The following IGSF21 variants were observed in gnomAD, a reference collection of about 807,000 sequenced individuals.
IGSF21 encodes the protein immunoglobulin superfamily member 21.
A neutral mutation model predicts 46.8 loss-of-function variants in IGSF21; 28 were observed. The ratio of observed to expected loss-of-function variants is 0.60; its 90% CI spans 0.44 to 0.82. The LOEUF is 0.82. Ranked by LOEUF, IGSF21 falls within the 40% of genes least tolerant of loss-of-function variation. IGSF21 has a pLI of 0.00. For synonymous variants in IGSF21, 284 were observed against 273.6 expected (o/e 1.04, Z -0.38); for missense variants, 624 against 665.5 (o/e 0.94, Z 0.69).
chr1:18,250,238 G>T (rs867781094), intron 2 of IGSF21, among the ~76,000 whole-genome samples: 3 of 151,776 alleles, frequency 2.0e-5, no homozygotes, highest in Non-Finnish European at 2.9e-5. Context: ...AGGTGCCAGG[G>T]CTGTGTCTTC....
chr1:18,132,301 G>A (rs1418368514), intron 1 of IGSF21, among the ~76,000 whole-genome samples: 3 of 152,210 alleles, frequency 2.0e-5, no homozygotes, highest in Admixed American at 6.5e-5. Flanking sequence ...ATGACCCATA[G>A]ATTTGACCCA....
chr1:18,318,700 A>T (rs868171181), intron 3 of IGSF21, among the ~76,000 whole-genome samples: 4 of 152,002 alleles, frequency 2.6e-5, no homozygotes, highest in Admixed American at 1.3e-4. Flanking sequence ...TCCTCACCAG[A>T]CCTTGCTTAC....
intron 1 of IGSF21, among the ~76,000 whole-genome samples, chr1:18,150,752 A>G (rs2124433786): frequency 6.6e-6 from 1 of 152,336 alleles, no homozygotes; most frequent in Non-Finnish European, 1.5e-5. Context: ...CAATGCCATC[A>G]AGATACCCCA....
intron 1 of IGSF21, among the ~76,000 whole-genome samples, chr1:18,218,042 A>G (rs1052998525): frequency 5.9e-5 from 9 of 152,242 alleles, no homozygotes; most frequent in African/African-American, 2.2e-4. Flanking sequence ...GGGATATAGT[A>G]GTGTTAGTCC....
chr1:18,125,007 T>C (rs945737230), intron 1 of IGSF21, among the ~76,000 whole-genome samples: 19 of 152,058 alleles, frequency 1.2e-4, no homozygotes, highest in African/African-American at 4.3e-4. Flanking sequence ...CTCCCTCTCC[T>C]TCCCCAGAAA....
chr1:18,239,157 C>T (rs2084700913), intron 2 of IGSF21, among the ~76,000 whole-genome samples: 1 of 152,156 alleles, frequency 6.6e-6, no homozygotes, highest in South Asian at 2.1e-4. Flanking sequence ...TTCTTCCTGG[C>T]TTTCCTATGC....
intron 1 of IGSF21, among the ~76,000 whole-genome samples, chr1:18,158,512 G>C (rs1362303945): frequency 6.6e-6 from 1 of 152,152 alleles, no homozygotes; most frequent in African/African-American, 2.4e-5. Flanking sequence ...CCAGGCCCGG[G>C]TGTCTGCTGC....
rs559667588 is a variant in IGSF21 at position 18,246,316 on chromosome 1, A to ATAGATTTG, written c.183+18306_183+18307insTAGATTTG. On this transcript the variant is annotated intron_variant, in intron 2 of 9. Transcript: ENST00000251296. Reference sequence around the variant, plus strand: ...CATGACTCTTGCTGCCTCAGGTCCCACCCCTTCCTGCCTATAGATTTGCCC... The same window carrying ATAGATTTG: ...CATGACTCTTGCTGCCTCAGGTCCCATAGATTTGCCCCTTCCTGCCTATAGATTTGCCC... Among the ~76,000 whole-genome samples the ATAGATTTG allele has an allele frequency of 2.2e-4, 33 of 151,518 alleles. 1 individual carries two copies. In the South Asian group the frequency reaches 7.0e-3, roughly 32 times the overall value.
chr1:18,255,714 C>T (rs879584707), intron 2 of IGSF21, among the ~76,000 whole-genome samples: 1 of 152,146 alleles, frequency 6.6e-6, no homozygotes, highest in Non-Finnish European at 1.5e-5. Flanking sequence ...CCTACTGTTT[C>T]CCCATACCCA....
At chr1:18,153,659 G>A (rs1319817156) in intron 1 of IGSF21, among the ~76,000 whole-genome samples, 1 of 151,978 alleles carries the variant, frequency 6.6e-6, no homozygotes, top group South Asian at 2.1e-4. Flanking sequence ...TCGCAAATGA[G>A]GCAACTGAGG....
At chr1:18,266,275 C>CA (rs1314226547) in intron 2 of IGSF21, among the ~76,000 whole-genome samples, 43 of 152,256 alleles carry the variant, frequency 2.8e-4, no homozygotes, top group Non-Finnish European at 1.2e-4. Flanking sequence ...GCCACACAGC[C>CA]AGTATATGGT....
At chr1:18,327,427 A>T (rs759970205) in intron 3 of IGSF21, among the ~76,000 whole-genome samples, 2 of 152,192 alleles carry the variant, frequency 1.3e-5, no homozygotes, top group Non-Finnish European at 2.9e-5. Flanking sequence ...CCCTGGGCTA[A>T]CAGAGACGAT....
At chr1:18,226,600 C>G (rs1248540352) in intron 1 of IGSF21, among the ~76,000 whole-genome samples, 1 of 152,170 alleles carries the variant, frequency 6.6e-6, no homozygotes, top group Non-Finnish European at 1.5e-5. Flanking sequence ...AAGCCTTGGA[C>G]CGTGCAGGTC....
chr1:18,334,477 G>C lies in IGSF21; in HGVS notation c.306-415G>C, dbSNP rs2085745559. Among the ~76,000 whole-genome samples, 1 of 152,178 alleles carries C rather than the reference G, an allele frequency of 6.6e-6. No individual in the cohort carries two copies. The highest frequency in any genetic ancestry group is 1.5e-5 in the Non-Finnish European group (1 of 68,030). On this transcript the variant is annotated intron_variant, in intron 3 of 9. Coordinates refer to ENST00000251296, the MANE Select transcript of IGSF21 (RefSeq NM_032880.5). This position sits in a 1 kb window ranked among gnomAD's most constrained non-coding sequence, Gnocchi z 4.3. ...ATGGGAATATGGACCCTATGTGGAG[G>C]CCGTCATGAGGAAAGAGGGAGCCGA...
Position 18,337,751 on chromosome 1 carries a change from A to C in IGSF21, c.424+2741A>C, listed in dbSNP as rs985360729. Among the ~76,000 whole-genome samples the C allele has an allele frequency of 2.0e-5, 3 of 152,158 alleles. No individual in the cohort carries two copies. The highest frequency in any genetic ancestry group is 7.2e-5 in the African/African-American group (3 of 41,438). On this transcript the variant is annotated intron_variant, in intron 4 of 9. Transcript: ENST00000251296. This position sits in a 1 kb window ranked among gnomAD's most constrained non-coding sequence, Gnocchi z 5.7. ...TGTCATAATGATGGCAATGCCCCAC[A>C]CTTGCCCAATCTGAGCAATTTCAGA... is the stretch of plus-strand genomic sequence containing the variant.
At chr1:18,311,953 C>T (rs967257435) in intron 3 of IGSF21, among the ~76,000 whole-genome samples, 1 of 152,216 alleles carries the variant, frequency 6.6e-6, no homozygotes, top group African/African-American at 2.4e-5. Context: ...TCAGCTCCCT[C>T]CTCTGGTCCC....
At chr1:18,162,737 G>T (rs147377660) in intron 1 of IGSF21, among the ~76,000 whole-genome samples, 3 of 152,180 alleles carry the variant, frequency 2.0e-5, no homozygotes, top group African/African-American at 7.2e-5. Flanking sequence ...GGGACATAGC[G>T]TGGGGCCTGA....
intron 2 of IGSF21, among the ~76,000 whole-genome samples, chr1:18,234,345 A>G (rs1222277731): frequency 6.6e-6 from 1 of 152,184 alleles, no homozygotes; most frequent in Non-Finnish European, 1.5e-5. Context: ...TTATCATATC[A>G]GTCACATGGG....
At chr1:18,136,338 C>T (rs1570256562) in intron 1 of IGSF21, among the ~76,000 whole-genome samples, 1 of 152,166 alleles carries the variant, frequency 6.6e-6, no homozygotes, top group African/African-American at 2.4e-5. Flanking sequence ...TTGCCCATGC[C>T]TATGTCCTGA....
Sources: gnomAD v4.1 joint callset for allele counts (sites outside exome capture counted in the v4.1 genomes callset) on GRCh38, gnomAD v4.1.1 for gene constraint, Gnocchi (gnomAD v3.1) non-coding constraint, MANE v1.5 for transcripts, NCBI Gene and HGNC (gene_info 2026-07-23, HGNC 2026-07-21) for gene names.